Variants in NEIL2 observed in about 807,000 individuals in gnomAD.
NEIL2 encodes endonuclease 8-like 2.
In NEIL2, 23 loss-of-function variants were observed where a neutral mutation model predicts 22.2. That is an observed-to-expected ratio of 1.04 (90% CI 0.75 to 1.47). The LOEUF is 1.47. NEIL2 is among the 40% of genes most tolerant of loss of function. NEIL2 has a pLI of 0.00. For missense variants in NEIL2, 583 were observed against 404.7 expected (o/e 1.44, Z -3.78); for synonymous variants, 229 against 164.8 (o/e 1.39, Z -2.99).
intron 3 of NEIL2, among the ~76,000 whole-genome samples, chr8:11,780,526 C>T (rs568778537): frequency 2.0e-5 from 3 of 152,182 alleles, no homozygotes; most frequent in East Asian, 1.9e-4. Context: ...ACTACAGGTG[C>T]GTGCCACCAC....
chr8:11,772,570 T>G (rs962042590), intron 2 of NEIL2, among the ~76,000 whole-genome samples: 6 of 152,156 alleles, frequency 3.9e-5, no homozygotes, highest in African/African-American at 9.7e-5. Flanking sequence ...TTCCAGGACA[T>G]CATGTACTTC....
intron 2 of NEIL2, among the ~76,000 whole-genome samples, 165 bp from the exon 3 acceptor site, chr8:11,779,433 C>A (rs1804196665): frequency 6.6e-6 from 1 of 152,158 alleles, no homozygotes; most frequent in Non-Finnish European, 1.5e-5. Context: ...GCGAACTGCT[C>A]ACACCACTGG....
At chr8:11,771,963 G>C (rs558464901) in intron 2 of NEIL2, among the ~76,000 whole-genome samples, 1 of 152,260 alleles carries the variant, frequency 6.6e-6, no homozygotes, top group East Asian at 1.9e-4. Flanking sequence ...CCAGCACTTT[G>C]GGAGGCCGAG....
rs768051594 is a variant in NEIL2, at chr8:11,786,149, C to A, written c.875C>A (p.Pro292His). 1 of 1,613,996 alleles carries A rather than the reference C, an allele frequency of 6.2e-7. No homozygotes were observed. Among genetic ancestry groups the A allele is most frequent in the Non-Finnish European group, 8.5e-7 (1 of 1,180,002 alleles). The change falls in exon 5 of 5, where the codon CCT (proline) becomes CAT (histidine). Residue 292 changes from proline to histidine, a missense_variant. Pro to His is a moderately conservative substitution (Grantham distance 77). Coordinates refer to ENST00000284503, the MANE Select transcript of NEIL2 (RefSeq NM_145043.4). ...HTQVYQKEQC[P>H]AGHQVMKEAF... Reference sequence around the variant, plus strand: ...CAGGTCTACCAGAAAGAACAGTGCCCTGCTGGCCACCAGGTCATGAAGGAG... The same window carrying A: ...CAGGTCTACCAGAAAGAACAGTGCCATGCTGGCCACCAGGTCATGAAGGAG...
intron 4 of NEIL2, among the ~76,000 whole-genome samples, chr8:11,785,025 C>A (rs754961725): frequency 1.3e-5 from 2 of 151,988 alleles, no homozygotes; most frequent in African/African-American, 4.8e-5. Flanking sequence ...CATGACATCA[C>A]GCCTCACTAA....
chr8:11,779,576 G>T (rs8191610), intron 2 of NEIL2, 22 bp from the exon 3 acceptor site: 2 of 1,564,090 alleles, frequency 1.3e-6, no homozygotes, highest in East Asian at 2.2e-5. Context: ...GTAAGGCTTG[G>T]ATCTCTGTTC....
intron 2 of NEIL2, 44 bp downstream of exon 2, chr8:11,771,629 T>C: frequency 6.3e-7 from 1 of 1,588,084 alleles, no homozygotes; most frequent in Non-Finnish European, 8.6e-7. Context: ...TCGCCCATCC[T>C]GCGCCTCCCC....
In NEIL2 at chr8:11,786,628, G is replaced by GT. The variant is rs71539743; in HGVS notation, c.*371dup. 49,077 of 213,258 alleles carry GT rather than the reference G, an allele frequency of 0.23. 4,466 individuals are homozygous for GT. Among genetic ancestry groups the GT allele is most frequent in the African/African-American group, 0.31 (11,814 of 37,618 alleles). The allele number at this position is 213,258 out of a possible 1,614,324, so 13.2% of individuals were successfully genotyped here. ...CAACATAGCTTTGCAGATGATGTGGGTTTTTTTTTTTTTTTTGGTTGTTTG... is the reference window on the plus strand; with the variant it reads ...CAACATAGCTTTGCAGATGATGTGGGTTTTTTTTTTTTTTTTTGGTTGTTTG... On this transcript the variant is annotated 3_prime_UTR_variant, in exon 5 of 5. Coordinates refer to ENST00000284503, the MANE Select transcript of NEIL2 (RefSeq NM_145043.4).
At chr8:11,781,927 G>C (rs568873275) in intron 3 of NEIL2, among the ~76,000 whole-genome samples, 3 of 151,990 alleles carry the variant, frequency 2.0e-5, no homozygotes, top group Non-Finnish European at 4.4e-5. Flanking sequence ...AACCGGGTGT[G>C]GGGGTGCATA....
In NEIL2 at chr8:11,782,055, C is replaced by A. The variant is rs1341533597; in HGVS notation, c.492-1148C>A. On this transcript the variant is annotated intron_variant, in intron 3 of 4. Coordinates refer to ENST00000284503, the MANE Select transcript of NEIL2 (RefSeq NM_145043.4). The stretch of plus-strand genomic sequence containing the variant: ...CTCCAGCCTGGGCAACAGAGCAAGA[C>A]CCTATTTCCAAATAAATAAATAAAT... Among the ~76,000 whole-genome samples the A allele has an allele frequency of 3.3e-5, 5 of 151,930 alleles. No individual in the cohort carries two copies. The East Asian group carries it at 5.8e-4, about 18-fold the overall frequency.
chr8:11,787,328 A>G lies in NEIL2; in HGVS notation c.*1055A>G, dbSNP rs1396126922. On this transcript the variant is annotated 3_prime_UTR_variant, in exon 5 of 5. Coordinates refer to ENST00000284503, the MANE Select transcript of NEIL2 (RefSeq NM_145043.4). ...AACCTAGAGCGGTGACATGAAAATA[A>G]AGCTCACTGTTACTCGCTGTTTTTG... 6.6e-6 allele frequency: 1 copy of G among 152,670 alleles called. No homozygotes were observed. Among genetic ancestry groups the G allele is most frequent in the Non-Finnish European group, 1.5e-5 (1 of 68,052 alleles). 9.5% of individuals were successfully genotyped at this position (152,670 alleles called of 1,614,324 possible). A position where few individuals can be genotyped will look rare whatever the true frequency, so the allele number is the denominator to read the frequency against.
intron 1 of NEIL2, among the ~76,000 whole-genome samples, chr8:11,770,638 G>A (rs1400909398): frequency 6.6e-6 from 1 of 152,180 alleles, no homozygotes; most frequent in Non-Finnish European, 1.5e-5. Context: ...TTATAGAGAG[G>A]CTGGTGCAGG....
intron 2 of NEIL2, among the ~76,000 whole-genome samples, chr8:11,774,883 C>A (rs2130458361): frequency 6.6e-6 from 1 of 152,382 alleles, no homozygotes; most frequent in East Asian, 1.9e-4. Context: ...CACGCTGATG[C>A]AAGAGGTAGA....
At chr8:11,785,222 G>A (rs1804797304) in intron 4 of NEIL2, among the ~76,000 whole-genome samples, 1 of 151,728 alleles carries the variant, frequency 6.6e-6, no homozygotes, top group Admixed American at 6.6e-5. Flanking sequence ...TTGAGACAGG[G>A]TCTTGCCATG....
chr8:11,774,338 G>A (rs922362924), intron 2 of NEIL2, among the ~76,000 whole-genome samples: 1 of 152,090 alleles, frequency 6.6e-6, no homozygotes, highest in African/African-American at 2.4e-5. Flanking sequence ...TCGCACCTGC[G>A]CTCCAGCCTC....
At chr8:11,772,398 C>T (rs1052280103) in intron 2 of NEIL2, among the ~76,000 whole-genome samples, 2 of 152,176 alleles carry the variant, frequency 1.3e-5, no homozygotes, top group African/African-American at 4.8e-5. Context: ...TTTTCACTTG[C>T]TGCCCCCTGC....
rs1044176699 is a variant in NEIL2, at chr8:11,786,965, G to C, written c.*692G>C. 1.3e-5 allele frequency: 2 copies of C among 152,520 alleles called. No individual in the cohort carries two copies. Among genetic ancestry groups the C allele is most frequent in the Middle Eastern group, 6.8e-3 (2 of 294 alleles). The allele number at this position is 152,520 out of a possible 1,614,324, so 9.4% of individuals were successfully genotyped here. ...AGCTCCTGTGTTTTGTTTTTGTTTT[G>C]TAACTTTGGTTGATGTTAAGGCCCT... On this transcript the variant is annotated 3_prime_UTR_variant, in exon 5 of 5. Transcript: ENST00000284503.
At chr8:11,772,883 G>A (rs1359552553) in intron 2 of NEIL2, among the ~76,000 whole-genome samples, 1 of 152,118 alleles carries the variant, frequency 6.6e-6, no homozygotes, top group Non-Finnish European at 1.5e-5. Context: ...TACTCCATAA[G>A]TACTAGTTCC....
At chr8:11,773,818 C>T (rs918461382) in intron 2 of NEIL2, among the ~76,000 whole-genome samples, 2 of 152,114 alleles carry the variant, frequency 1.3e-5, no homozygotes, top group Non-Finnish European at 2.9e-5. Context: ...ATAACAGACT[C>T]AGAAAAATGG....
Sources: gnomAD v4.1 joint callset for allele counts (sites outside exome capture counted in the v4.1 genomes callset) on GRCh38, gnomAD v4.1.1 for gene constraint, MANE v1.5 for transcripts, NCBI Gene and HGNC (gene_info 2026-07-23, HGNC 2026-07-21) for gene names.